The following BTBD10 variants were observed in gnomAD, a reference collection of about 807,000 sequenced individuals.
The protein encoded by BTBD10 is BTB domain containing 10.
A neutral mutation model predicts 53.2 loss-of-function variants in BTBD10; 21 were observed. The ratio of observed to expected loss-of-function variants is 0.39; its 90% CI spans 0.28 to 0.57. BTBD10 has a LOEUF of 0.57. Among genes scored for constraint, BTBD10 ranks in the 20% least tolerant of loss-of-function variants. The pLI, the probability that BTBD10 is intolerant of heterozygous loss-of-function variation, is 0.53. For synonymous variants in BTBD10, 149 were observed against 192.7 expected (o/e 0.77, Z 1.88); for missense variants, 360 against 594.7 (o/e 0.61, Z 4.10).
At chr11:13,426,512 T>G (rs887783242) in intron 2 of BTBD10, among the ~76,000 whole-genome samples, 7 of 152,078 alleles carry the variant, frequency 4.6e-5, no homozygotes, top group African/African-American at 1.7e-4. Context: ...GATTAAACAA[T>G]AATGATAATA....
At chr11:13,449,031 A>G (rs1950800162) in intron 1 of BTBD10, among the ~76,000 whole-genome samples, 1 of 152,190 alleles carries the variant, frequency 6.6e-6, no homozygotes, top group Non-Finnish European at 1.5e-5. Context: ...GGCTAGGGGC[A>G]GGCATTCAGG....
Position 13,445,197 on chromosome 11 carries a change from G to C in BTBD10, c.-57-16C>G. On this transcript the variant is annotated splice_polypyrimidine_tract_variant and intron_variant, in intron 1 of 8. Coordinates refer to ENST00000278174, the MANE Select transcript of BTBD10 (RefSeq NM_032320.7). ...CACCCATAACCTACATAAAAGAGCA[G>C]TGTTGACCTTTAAATCTATTCCACG... is the stretch of plus-strand genomic sequence containing the variant. 1.0e-6 allele frequency: 1 copy of C among 1,001,714 alleles called. No individual in the cohort carries two copies. Among genetic ancestry groups the C allele is most frequent in the Non-Finnish European group, 1.6e-6 (1 of 640,532 alleles). 62.1% of individuals were successfully genotyped at this position (1,001,714 alleles called of 1,614,324 possible).
chr11:13,432,356 C>T (rs1040696904), intron 2 of BTBD10, among the ~76,000 whole-genome samples: 1 of 151,938 alleles, frequency 6.6e-6, no homozygotes, highest in Non-Finnish European at 1.5e-5. Flanking sequence ...AGATAAAGTG[C>T]ATGTAAAAAC....
At chr11:13,399,041 C>T (rs948602922) in intron 8 of BTBD10, among the ~76,000 whole-genome samples, 25 of 152,084 alleles carry the variant, frequency 1.6e-4, no homozygotes, top group African/African-American at 5.6e-4. Context: ...TTGCTCTTCT[C>T]GAGGAGTATC....
chr11:13,396,737 G>A (rs540549431), intron 8 of BTBD10, among the ~76,000 whole-genome samples: 26 of 152,258 alleles, frequency 1.7e-4, no homozygotes, highest in African/African-American at 6.3e-4. Flanking sequence ...TTTATTGAGA[G>A]TTTTTAGCAT....
chr11:13,459,212 A>G (rs1156398637), intron 1 of BTBD10, among the ~76,000 whole-genome samples: 8 of 150,708 alleles, frequency 5.3e-5, no homozygotes, highest in African/African-American at 1.5e-4. Context: ...GCCCGCCACT[A>G]CGCCCGGCTA....
chr11:13,433,312 T>C lies in BTBD10; in HGVS notation c.102-11474A>G, dbSNP rs548958955. The stretch of plus-strand genomic sequence containing the variant: ...ACTTTGCTTATAGGCCATAGGCCCC[T>C]CATTTCAGAAGGTGTCCTGTCCCAT... On this transcript the variant is annotated intron_variant, in intron 2 of 8. Coordinates refer to ENST00000278174, the MANE Select transcript of BTBD10 (RefSeq NM_032320.7). Among the ~76,000 whole-genome samples the C allele has an allele frequency of 1.6e-4, 24 of 152,338 alleles. No homozygotes were observed. The South Asian group carries it at 4.8e-3, about 30-fold the overall frequency.
chr11:13,397,327 A>C (rs1406618587), intron 8 of BTBD10, among the ~76,000 whole-genome samples: 1 of 152,174 alleles, frequency 6.6e-6, no homozygotes, highest in Admixed American at 6.6e-5. Context: ...GTTTATTTGC[A>C]TAGAGGTGTT....
chr11:13,429,021 C>G (rs1423462302), intron 2 of BTBD10, among the ~76,000 whole-genome samples: 1 of 151,518 alleles, frequency 6.6e-6, no homozygotes, highest in African/African-American at 2.4e-5. Flanking sequence ...ACAAATAACA[C>G]CAAAACCTGA....
chr11:13,451,254 G>A (rs959470016), intron 1 of BTBD10, among the ~76,000 whole-genome samples: 3 of 152,290 alleles, frequency 2.0e-5, no homozygotes, highest in Non-Finnish European at 4.4e-5. Flanking sequence ...TGCATGGCAT[G>A]AGACATGATT....
chr11:13,429,401 C>G (rs1950406813), intron 2 of BTBD10, among the ~76,000 whole-genome samples: 1 of 152,086 alleles, frequency 6.6e-6, no homozygotes, highest in African/African-American at 2.4e-5. Flanking sequence ...TATTAAAAAA[C>G]TGTAGTAATG....
At chr11:13,391,720 C>T (rs11022786) in intron 8 of BTBD10, among the ~76,000 whole-genome samples, 65,724 of 152,064 alleles carry the variant, frequency 0.43, 15,929 homozygotes, top group South Asian at 0.62. Flanking sequence ...CCAAGGCAGG[C>T]GGATCATGAG....
intron 1 of BTBD10, among the ~76,000 whole-genome samples, chr11:13,448,147 G>C (rs532773492): frequency 7.9e-5 from 12 of 152,216 alleles, no homozygotes; most frequent in African/African-American, 2.9e-4. Flanking sequence ...TATGCAAGGT[G>C]CTGAAGTAAG....
intron 2 of BTBD10, among the ~76,000 whole-genome samples, chr11:13,436,755 T>C (rs898650534): frequency 1.3e-4 from 19 of 151,820 alleles, no homozygotes; most frequent in African/African-American, 4.1e-4. Context: ...ATGACATTCC[T>C]TAATATCCAA....
intron 4 of BTBD10, 123 bp from the exon 5 acceptor site, chr11:13,417,383 T>C (rs1276927029): frequency 4.6e-6 from 3 of 650,076 alleles, no homozygotes; most frequent in Non-Finnish European, 7.4e-6. Flanking sequence ...ATTTTTATCA[T>C]TAATTTATTC....
chr11:13,409,865 T>G (rs1478901543), intron 6 of BTBD10, among the ~76,000 whole-genome samples: 1 of 152,200 alleles, frequency 6.6e-6, no homozygotes, highest in East Asian at 1.9e-4. Flanking sequence ...ATGTACTATA[T>G]GCATGAAACT....
At chr11:13,398,788 T>C (rs1949630290) in intron 8 of BTBD10, among the ~76,000 whole-genome samples, 1 of 152,164 alleles carries the variant, frequency 6.6e-6, no homozygotes, top group Admixed American at 6.5e-5. Context: ...ATTTTATTTC[T>C]CCTTCACTTA....
At chr11:13,413,242 C>T (rs1276208652) in intron 6 of BTBD10, among the ~76,000 whole-genome samples, 1 of 152,018 alleles carries the variant, frequency 6.6e-6, no homozygotes, top group Non-Finnish European at 1.5e-5. Context: ...GGATCCAAAT[C>T]TAGGAGATAA....
At position 13,388,516 on chromosome 11, in the gene BTBD10, C is replaced by G; in HGVS notation, c.*315G>C. On this transcript the variant is annotated 3_prime_UTR_variant, in exon 9 of 9. Transcript: ENST00000278174. ...AATATCAGTCCAAACTGAAAGTACC[C>G]CAGCTGCCAATTTCCACCACTTCTG... 1 of 242,080 alleles carries G rather than the reference C, an allele frequency of 4.1e-6. No homozygotes were observed. Among genetic ancestry groups the G allele is most frequent in the Admixed American group, 4.9e-5 (1 of 20,352 alleles). The allele number at this position is 242,080 out of a possible 1,614,324, so 15.0% of individuals were successfully genotyped here. A position where few individuals can be genotyped will look rare whatever the true frequency, so the allele number is the denominator to read the frequency against.
Sources: allele counts gnomAD v4.1 joint callset (sites outside exome capture counted in the v4.1 genomes callset), GRCh38; gene constraint gnomAD v4.1.1; transcripts MANE v1.5; gene names NCBI Gene and HGNC (gene_info 2026-07-23, HGNC 2026-07-21).